Variants in EXOC4 observed in about 807,000 individuals in gnomAD.
EXOC4 encodes exocyst complex component 4.
EXOC4 carries 71 observed loss-of-function variants against 107.2 expected under a neutral mutation model. The ratio of observed to expected loss-of-function variants is 0.66; its 90% CI spans 0.55 to 0.81. The LOEUF is 0.81. EXOC4 is among the 30% of genes least tolerant of loss of function. EXOC4 has a pLI of 0.00. For synonymous variants in EXOC4, 456 were observed against 441.2 expected, an observed-to-expected ratio of 1.03 and a Z score of -0.42; for missense variants, 1,108 against 1,189.6, an observed-to-expected ratio of 0.93 and a Z score of 1.01.
chr7:133,545,316 C>T (rs1800459861), intron 9 of EXOC4, among the ~76,000 whole-genome samples: 2 of 152,052 alleles, frequency 1.3e-5, no homozygotes, highest in Admixed American at 6.5e-5. Flanking sequence ...ACTGACCCTC[C>T]ATTTCTTCTT....
intron 9 of EXOC4, among the ~76,000 whole-genome samples, chr7:133,495,280 C>G (rs566055549): frequency 6.6e-6 from 1 of 152,050 alleles, no homozygotes; most frequent in Admixed American, 6.6e-5. Context: ...GTGCGTAACA[C>G]TGGAGTTTTA....
intron 11 of EXOC4, among the ~76,000 whole-genome samples, chr7:133,835,101 T>A (rs1292044562): frequency 6.6e-6 from 1 of 152,172 alleles, no homozygotes; most frequent in African/African-American, 2.4e-5. Flanking sequence ...TAAACCTCTT[T>A]CCTGTATGAA....
chr7:134,086,085 G>C, the EXOC4 span, among the ~76,000 whole-genome samples: 1 of 152,202 alleles, frequency 6.6e-6, no homozygotes, highest in African/African-American at 2.4e-5. Context: ...AAGAACTTAA[G>C]AAAATCTCTG....
chr7:133,689,586 G>A (rs183571466), intron 10 of EXOC4, among the ~76,000 whole-genome samples: 4 of 152,324 alleles, frequency 2.6e-5, no homozygotes, highest in Admixed American at 2.6e-4. Context: ...ACGGAAGGCA[G>A]GGATTAAAGA....
intron 4 of EXOC4, chr7:133,315,468 C>A (rs1794970957): frequency 6.6e-6 from 1 of 152,026 alleles, no homozygotes; most frequent in Non-Finnish European, 1.5e-5. Context: ...GCATCTGTAT[C>A]CAGGGCCTAG....
In EXOC4 at chr7:133,729,520, A is replaced by C. The variant is rs528265612; in HGVS notation, c.1515-87805A>C. On this transcript the variant is annotated intron_variant, in intron 10 of 17. Coordinates refer to ENST00000253861, the MANE Select transcript of EXOC4 (RefSeq NM_021807.4). ...AATATATATTTAACCAGAAAGAGTC[A>C]GCACTGTCAGCTCAGTTCACTGCAT... 2.4e-3 allele frequency among the ~76,000 whole-genome samples: 362 copies of C among 152,244 alleles called. 2 individuals carry two copies. Among genetic ancestry groups the C allele is most frequent in the Non-Finnish European group, 4.6e-3 (313 of 67,964 alleles).
chr7:133,713,212 G>A (rs1429923291), intron 10 of EXOC4, among the ~76,000 whole-genome samples: 1 of 152,178 alleles, frequency 6.6e-6, no homozygotes, highest in Admixed American at 6.5e-5. Context: ...CTCATATGCA[G>A]TAGGTTTTAT....
intron 9 of EXOC4, among the ~76,000 whole-genome samples, chr7:133,580,177 A>C (rs530358100): frequency 6.6e-6 from 1 of 152,208 alleles, no homozygotes; most frequent in Non-Finnish European, 1.5e-5. Flanking sequence ...GTATGTATAC[A>C]TCGCATTTTG....
chr7:133,363,555 G>C (rs891162519), intron 6 of EXOC4, among the ~76,000 whole-genome samples: 4 of 149,102 alleles, frequency 2.7e-5, no homozygotes, highest in Non-Finnish European at 5.9e-5. Context: ...GAATAGGCCA[G>C]AGATGTTACT....
intron 9 of EXOC4, among the ~76,000 whole-genome samples, chr7:133,563,171 A>G (rs140710470): frequency 3.2e-4 from 48 of 151,686 alleles, no homozygotes; most frequent in African/African-American, 1.1e-3. Flanking sequence ...TCATTTTTTA[A>G]TGGCCATTTC....
chr7:133,460,278 G>A (rs545894107), intron 7 of EXOC4, among the ~76,000 whole-genome samples: 1 of 152,290 alleles, frequency 6.6e-6, no homozygotes, highest in Non-Finnish European at 1.5e-5. Flanking sequence ...GAGCTCAGGT[G>A]ATAATGCTTG....
chr7:133,855,059 C>CTAAATATATA (rs1798322152), intron 11 of EXOC4, among the ~76,000 whole-genome samples: 6 of 50,124 alleles, frequency 1.2e-4, no homozygotes, highest in Non-Finnish European at 2.0e-4. Context: ...CTAAATATAT[C>CTAAATATATA]TAAATATATC....
At chr7:133,358,351 A>T (rs1299016732) in intron 6 of EXOC4, among the ~76,000 whole-genome samples, 1 of 152,206 alleles carries the variant, frequency 6.6e-6, no homozygotes, top group African/African-American at 2.4e-5. Context: ...AGATGAGGTT[A>T]TATGGTTGTG....
intron 10 of EXOC4, among the ~76,000 whole-genome samples, chr7:133,764,791 C>G (rs552425575): frequency 2.0e-5 from 3 of 152,156 alleles, no homozygotes; most frequent in South Asian, 2.1e-4. Context: ...TTTTGCTCAT[C>G]TGGAGAATGA....
Position 133,580,875 on chromosome 7 carries a change from C to A in EXOC4, c.1418-49170C>A, listed in dbSNP as rs1003222433. On this transcript the variant is annotated intron_variant, in intron 9 of 17. Coordinates refer to ENST00000253861, the MANE Select transcript of EXOC4 (RefSeq NM_021807.4). ...TTTCAACCTTATAGCACCAGCAGTG[C>A]CTAAGTCATTGTGCCTGGCAAGTCA... is the stretch of plus-strand genomic sequence containing the variant. Among the ~76,000 whole-genome samples, 8 of 152,162 alleles carry A rather than the reference C, an allele frequency of 5.3e-5. 1 individual carries two copies. The highest frequency in any genetic ancestry group is 5.2e-4 in the Admixed American group (8 of 15,286).
rs919760849 is a variant in EXOC4, at chr7:133,461,954, T to C, written c.1183-13374T>C. Among the ~76,000 whole-genome samples, 49 of 152,196 alleles carry C rather than the reference T, an allele frequency of 3.2e-4. 2 individuals carry two copies. Among genetic ancestry groups the C allele is most frequent in the African/African-American group, 1.2e-3 (49 of 41,454 alleles). ...TGTATGGGTTTTAATTAGAGTGAGATATCATAGTTGACAGTCGAGATAGAT... is the reference window on the plus strand; with the variant it reads ...TGTATGGGTTTTAATTAGAGTGAGACATCATAGTTGACAGTCGAGATAGAT... On this transcript the variant is annotated intron_variant, in intron 7 of 17. Transcript: ENST00000253861.
intron 10 of EXOC4, among the ~76,000 whole-genome samples, chr7:133,691,486 G>A (rs1794417562): frequency 6.6e-6 from 1 of 152,160 alleles, no homozygotes; most frequent in South Asian, 2.1e-4. Flanking sequence ...GTACAACAGA[G>A]TAAATAAAAT....
At chr7:133,759,372 C>T (rs941283504) in intron 10 of EXOC4, among the ~76,000 whole-genome samples, 1 of 152,106 alleles carries the variant, frequency 6.6e-6, no homozygotes, top group African/African-American at 2.4e-5. Context: ...GGAGAGGCTA[C>T]TAAATGATGA....
chr7:133,897,684 G>T (rs1279726441), intron 12 of EXOC4, among the ~76,000 whole-genome samples: 1 of 151,912 alleles, frequency 6.6e-6, no homozygotes, highest in Non-Finnish European at 1.5e-5. Context: ...AATCCCTATG[G>T]CATTGAGATT....
Sources: gnomAD v4.1 joint callset for allele counts (sites outside exome capture counted in the v4.1 genomes callset) on GRCh38, gnomAD v4.1.1 for gene constraint, MANE v1.5 for transcripts, NCBI Gene and HGNC (gene_info 2026-07-23, HGNC 2026-07-21) for gene names.